The following AR variants were observed in gnomAD, a reference collection of about 807,000 sequenced individuals.
The protein encoded by AR is dihydrotestosterone receptor.
Under a neutral mutation model 53.9 loss-of-function variants are expected in AR, and 8 were observed. That is an observed-to-expected ratio of 0.15 (90% CI 0.09 to 0.27). AR has a LOEUF of 0.27. Ranked by LOEUF, AR falls within the 10% of genes least tolerant of loss-of-function variation. The probability of loss-of-function intolerance (pLI) is 1.00; values close to 1 mark genes in which losing one functional copy is unlikely to be tolerated. For synonymous variants in AR, 359 were observed against 316.4 expected (o/e 1.13, Z -1.43); for missense variants, 639 against 742.5 (o/e 0.86, Z 1.62).
chrX:67,641,475 G>A (rs1230603642), intron 1 of AR, among the ~76,000 whole-genome samples: 1 of 111,939 alleles, frequency 8.9e-6, no homozygotes, highest in Non-Finnish European at 1.9e-5. Context: ...ACTGAGGAAG[G>A]GGGCACAGTT....
chrX:67,707,477 T>C (rs2076073734), intron 3 of AR, among the ~76,000 whole-genome samples: 3 of 111,435 alleles, frequency 2.7e-5, no homozygotes, highest in Non-Finnish European at 3.8e-5. Context: ...CCTCTTTTGG[T>C]TTTCCATTTG....
chrX:67,612,328 C>T (rs779826929), intron 1 of AR, among the ~76,000 whole-genome samples: 9 of 112,047 alleles, frequency 8.0e-5, no homozygotes, highest in South Asian at 3.7e-4. Flanking sequence ...TTCAGAACTG[C>T]GCAGATCATT....
chrX:67,667,069 G>A (rs1468395559), intron 2 of AR, among the ~76,000 whole-genome samples: 1 of 111,227 alleles, frequency 9.0e-6, no homozygotes, highest in Non-Finnish European at 1.9e-5. Context: ...TTAACTTGAT[G>A]TGACCTCATT....
intron 4 of AR, among the ~76,000 whole-genome samples, chrX:67,716,624 G>C (rs185823669): frequency 1.7e-3 from 190 of 111,171 alleles, no homozygotes; most frequent in African/African-American, 6.1e-3. Flanking sequence ...TACCTATTGA[G>C]TAGAAAAGAA....
intron 4 of AR, among the ~76,000 whole-genome samples, chrX:67,716,133 C>T (rs775126558): frequency 1.8e-5 from 2 of 111,767 alleles, no homozygotes; most frequent in South Asian, 3.8e-4. Context: ...TTCTTAAGTG[C>T]CCACTCAAAT....
intron 2 of AR, among the ~76,000 whole-genome samples, chrX:67,652,049 C>A (rs750301209): frequency 8.9e-6 from 1 of 111,765 alleles, no homozygotes; most frequent in Non-Finnish European, 1.9e-5. Flanking sequence ...TTTGAGCCTT[C>A]TCAGCAGAGC....
chrX:67,559,851 C>T (rs1397774861), intron 1 of AR, among the ~76,000 whole-genome samples: 2 of 111,558 alleles, frequency 1.8e-5, no homozygotes, highest in Admixed American at 1.9e-4. Flanking sequence ...TGTTTTGGGT[C>T]TCTTTACTCT....
Position 67,629,795 on chromosome X carries a change from A to C in AR, c.1617-13461A>C, listed in dbSNP as rs867050041. Among the ~76,000 whole-genome samples, 433 of 110,520 alleles carry C rather than the reference A, an allele frequency of 3.9e-3. 5 individuals carry two copies. The highest frequency in any genetic ancestry group is 0.012 in the African/African-American group (369 of 30,455). On this transcript the variant is annotated intron_variant, in intron 1 of 7. Coordinates refer to ENST00000374690, the MANE Select transcript of AR (RefSeq NM_000044.6). ...CATTTAGTGCTATAAATTTCCCTCT[A>C]CACACTGCTTTGAATGTGTCCCAGA...
At chrX:67,675,970 G>A (rs1413764704) in intron 2 of AR, among the ~76,000 whole-genome samples, 1 of 111,692 alleles carries the variant, frequency 9.0e-6, no homozygotes, top group African/African-American at 3.3e-5. Flanking sequence ...TTAGCTTTGA[G>A]CCTTAGAAAA....
intron 2 of AR, among the ~76,000 whole-genome samples, chrX:67,657,916 G>C (rs1413482296): frequency 9.0e-6 from 1 of 110,893 alleles, no homozygotes; most frequent in South Asian, 3.8e-4. Flanking sequence ...GGAAATTCAG[G>C]GTCAAAACAG....
intron 1 of AR, among the ~76,000 whole-genome samples, chrX:67,554,309 C>T (rs1265564505): frequency 8.9e-6 from 1 of 112,137 alleles, no homozygotes; most frequent in African/African-American, 3.2e-5. Context: ...CAGCTAAAAT[C>T]ATAATTTTAT....
At chrX:67,704,834 G>C (rs1249084893) in intron 3 of AR, among the ~76,000 whole-genome samples, 23 of 112,093 alleles carry the variant, frequency 2.1e-4, no homozygotes, top group Non-Finnish European at 1.3e-4. Context: ...AAGGTGTAAG[G>C]AAGGGATCCA....
Position 67,703,529 on chromosome X carries a change from C to T in AR, c.1886-7873C>T, listed in dbSNP as rs1416709826. On this transcript the variant is annotated intron_variant, in intron 3 of 7. Coordinates refer to ENST00000374690, the MANE Select transcript of AR (RefSeq NM_000044.6). ...TAGTTCCCATTTTACAGACTGATGGCAGAGGCAGAAAGATTCTCTCACTTC... is the reference window on the plus strand; with the variant it reads ...TAGTTCCCATTTTACAGACTGATGGTAGAGGCAGAAAGATTCTCTCACTTC... Among the ~76,000 whole-genome samples, 7 of 111,682 alleles carry T rather than the reference C, an allele frequency of 6.3e-5. No individual in the cohort carries two copies. The Admixed American group carries it at 6.7e-4, about 11-fold the overall frequency.
Position 67,545,159 on chromosome X carries a change from T to C in AR, c.13T>C (p.Leu5=). 1 of 1,198,333 alleles carries C rather than the reference T, an allele frequency of 8.3e-7. No individual in the cohort carries two copies. Among genetic ancestry groups the C allele is most frequent in the Non-Finnish European group, 1.1e-6 (1 of 890,815 alleles). The change falls in exon 1 of 8, where the codon TTA becomes CTA. Residue 5 remains leucine (L), a synonymous_variant. Coordinates refer to ENST00000374690, the MANE Select transcript of AR (RefSeq NM_000044.6). MEVQ[L]GLGRVYPRPP... is the part of the protein sequence containing the mutation. ...GCCAAGCTCAAGGATGGAAGTGCAG[T>C]TAGGGCTGGGAAGGGTCTACCCTCG...
intron 1 of AR, among the ~76,000 whole-genome samples, chrX:67,548,416 A>G (rs1281675433): frequency 4.5e-5 from 5 of 111,970 alleles, no homozygotes; most frequent in African/African-American, 1.6e-4. Context: ...GGGACAAAAA[A>G]AGTATTCTTC....
At chrX:67,577,078 C>A (rs1460418349) in intron 1 of AR, among the ~76,000 whole-genome samples, 1 of 105,733 alleles carries the variant, frequency 9.5e-6, no homozygotes, top group Non-Finnish European at 1.9e-5. Context: ...ATTTCATTGC[C>A]CCAAAAGGAA....
chrX:67,587,816 GA>G (rs1479723199), intron 1 of AR, among the ~76,000 whole-genome samples: 2 of 110,100 alleles, frequency 1.8e-5, no homozygotes, highest in African/African-American at 6.6e-5. Context: ...TGATTTTTGT[GA>G]GAATGAAAAT....
intron 2 of AR, among the ~76,000 whole-genome samples, chrX:67,665,439 A>T (rs775023619): frequency 4.5e-5 from 5 of 112,180 alleles, no homozygotes; most frequent in African/African-American, 1.6e-4. Flanking sequence ...AGAAAATAAA[A>T]ATAGGATTAT....
chrX:67,710,083 CGTGTGT>C (rs760335443), intron 3 of AR, among the ~76,000 whole-genome samples: 3 of 106,496 alleles, frequency 2.8e-5, no homozygotes, highest in African/African-American at 1.0e-4. Flanking sequence ...TGTGAGTGTG[CGTGTGT>C]GTGTGTGTGT....
Sources: allele counts gnomAD v4.1 joint callset (sites outside exome capture counted in the v4.1 genomes callset), GRCh38; gene constraint gnomAD v4.1.1; transcripts MANE v1.5; gene names NCBI Gene and HGNC (gene_info 2026-07-23, HGNC 2026-07-21).